The following PLD5 variants were observed in gnomAD, a reference collection of about 807,000 sequenced individuals.
PLD5 encodes inactive phospholipase D5.
PLD5 carries 36 observed loss-of-function variants against 61.1 expected under a neutral mutation model. The ratio of observed to expected loss-of-function variants is 0.59; its 90% CI spans 0.45 to 0.78. PLD5 has a LOEUF of 0.78. Among genes scored for constraint, PLD5 ranks in the 30% least tolerant of loss-of-function variants. The probability of loss-of-function intolerance (pLI) is 0.00; values close to 1 mark genes in which losing one functional copy is unlikely to be tolerated. For synonymous variants in PLD5, 243 were observed against 242.8 expected, an observed-to-expected ratio of 1.00 and a Z score of -0.01; for missense variants, 515 against 644.4, an observed-to-expected ratio of 0.80 and a Z score of 2.17.
intron 2 of PLD5, among the ~76,000 whole-genome samples, chr1:242,296,112 C>T (rs973908101): frequency 9.2e-5 from 14 of 152,176 alleles, no homozygotes; most frequent in African/African-American, 4.8e-5. Flanking sequence ...ATCTCAGTGA[C>T]ATGCTGTGCT....
intron 2 of PLD5, among the ~76,000 whole-genome samples, chr1:242,308,436 G>T (rs1676501887): frequency 6.6e-6 from 1 of 152,158 alleles, no homozygotes; most frequent in Non-Finnish European, 1.5e-5. Flanking sequence ...TGATGAGAGT[G>T]CAAGAGATAC....
At chr1:242,476,275 G>T (rs761941576) in intron 1 of PLD5, among the ~76,000 whole-genome samples, 10 of 151,858 alleles carry the variant, frequency 6.6e-5, no homozygotes, top group Non-Finnish European at 1.3e-4. Context: ...GAATCACTTG[G>T]ACCTGGGAGG....
intron 5 of PLD5, among the ~76,000 whole-genome samples, chr1:242,151,961 A>G (rs1664961306): frequency 6.6e-6 from 1 of 152,052 alleles, no homozygotes; most frequent in African/African-American, 2.4e-5. Flanking sequence ...GAAAATCTAT[A>G]GTATAAAATC....
chr1:242,438,918 C>T (rs79225086), intron 1 of PLD5, among the ~76,000 whole-genome samples: 8,354 of 151,942 alleles, frequency 0.055, 684 homozygotes, highest in African/African-American at 0.18. Flanking sequence ...AAGCCTAGTT[C>T]ACAGCCAGCT....
chr1:242,258,908 T>C (rs1673230852), intron 4 of PLD5, among the ~76,000 whole-genome samples: 1 of 151,612 alleles, frequency 6.6e-6, no homozygotes, highest in Non-Finnish European at 1.5e-5. Flanking sequence ...AGGAATTTCT[T>C]GATCACTTGA....
At chr1:242,173,430 G>A (rs1429594946) in intron 5 of PLD5, among the ~76,000 whole-genome samples, 1 of 152,182 alleles carries the variant, frequency 6.6e-6, no homozygotes, top group African/African-American at 2.4e-5. Context: ...AACATTCCAT[G>A]CTCATGGATA....
At chr1:242,445,466 C>A (rs542449897) in intron 1 of PLD5, among the ~76,000 whole-genome samples, 1 of 152,082 alleles carries the variant, frequency 6.6e-6, no homozygotes. Context: ...CTCAGCCTCC[C>A]GAGTAGCTGT....
chr1:242,407,561 GTTT>G (rs58679212), intron 1 of PLD5, among the ~76,000 whole-genome samples: 5 of 130,322 alleles, frequency 3.8e-5, no homozygotes, highest in African/African-American at 8.8e-5. Context: ...TGGTTGTTTT[GTTT>G]TTTTTTTTTT....
chr1:242,484,292 C>A (rs1039365179), intron 1 of PLD5, among the ~76,000 whole-genome samples: 5 of 151,998 alleles, frequency 3.3e-5, no homozygotes, highest in African/African-American at 7.2e-5. Context: ...GAAAGATCAA[C>A]AAAATTGATA....
chr1:242,492,578 A>AT (rs1327535501), intron 1 of PLD5, among the ~76,000 whole-genome samples: 1 of 152,210 alleles, frequency 6.6e-6, no homozygotes, highest in East Asian at 1.9e-4. Flanking sequence ...TTACTATGGT[A>AT]TTGCAAACTA....
intron 4 of PLD5, among the ~76,000 whole-genome samples, chr1:242,251,049 G>T (rs1672671980): frequency 6.6e-6 from 1 of 152,194 alleles, no homozygotes; most frequent in Non-Finnish European, 1.5e-5. Flanking sequence ...AAAACTTAAT[G>T]GAAGAAGAAC....
At chr1:242,271,909 G>A (rs1489103797) in intron 3 of PLD5, among the ~76,000 whole-genome samples, 1 of 151,532 alleles carries the variant, frequency 6.6e-6, no homozygotes, top group Non-Finnish European at 1.5e-5. Flanking sequence ...CAATGGGAGC[G>A]ATATTGCCCC....
intron 1 of PLD5, among the ~76,000 whole-genome samples, chr1:242,481,800 G>A (rs2102963595): frequency 6.6e-6 from 1 of 152,286 alleles, no homozygotes; most frequent in African/African-American, 2.4e-5. Context: ...CTAACTGAGA[G>A]GCACCCCCTA....
chr1:242,188,996 C>A lies in PLD5; in HGVS notation c.735+30992G>T, dbSNP rs182099393. ...TATATGCTTTAAACAAACAAACAAA[C>A]AAAAAGAGATACTGGTTAGATTGTC... On this transcript the variant is annotated intron_variant, in intron 5 of 9. Transcript: ENST00000536534. Among the ~76,000 whole-genome samples, 195 of 151,810 alleles carry A rather than the reference C, an allele frequency of 1.3e-3. 2 individuals carry two copies. Among genetic ancestry groups the A allele is most frequent in the African/African-American group, 4.5e-3 (185 of 41,230 alleles).
intron 5 of PLD5, among the ~76,000 whole-genome samples, chr1:242,203,053 T>A (rs1028946690): frequency 1.3e-5 from 2 of 152,176 alleles, no homozygotes; most frequent in Admixed American, 1.3e-4. Flanking sequence ...TCTGCAGCAA[T>A]GATTCCAGAA....
At chr1:242,103,548 G>C (rs1646392572) in intron 8 of PLD5, among the ~76,000 whole-genome samples, 1 of 152,192 alleles carries the variant, frequency 6.6e-6, no homozygotes, top group Non-Finnish European at 1.5e-5. Context: ...CTGTTTCGGA[G>C]CTGAATCAAT....
intron 4 of PLD5, among the ~76,000 whole-genome samples, chr1:242,259,106 G>T (rs1358031129): frequency 6.6e-6 from 1 of 152,152 alleles, no homozygotes; most frequent in Non-Finnish European, 1.5e-5. Context: ...ATCAACCAGG[G>T]TAAAGAGATG....
chr1:242,227,023 T>C (rs1670995084), intron 4 of PLD5, among the ~76,000 whole-genome samples: 1 of 152,238 alleles, frequency 6.6e-6, no homozygotes, highest in African/African-American at 2.4e-5. Flanking sequence ...GTTGATTGTA[T>C]GTACACACAT....
chr1:242,496,130 T>C (rs1037923244), intron 1 of PLD5, among the ~76,000 whole-genome samples: 1 of 152,196 alleles, frequency 6.6e-6, no homozygotes, highest in African/African-American at 2.4e-5. Flanking sequence ...CAAAATAATA[T>C]CTGAGAACAC....
Sources: gnomAD v4.1 joint callset for allele counts (sites outside exome capture counted in the v4.1 genomes callset) on GRCh38, gnomAD v4.1.1 for gene constraint, MANE v1.5 for transcripts, NCBI Gene and HGNC (gene_info 2026-07-23, HGNC 2026-07-21) for gene names.